SSBP4: variants seen among roughly 807,000 people sequenced by gnomAD.
SSBP4 encodes the protein single stranded DNA binding protein 4.
In SSBP4, 33 loss-of-function variants were observed where a neutral mutation model predicts 64.6. The ratio of observed to expected loss-of-function variants is 0.51; its 90% CI spans 0.39 to 0.68. The LOEUF is 0.68. Among genes scored for constraint, SSBP4 ranks in the 30% least tolerant of loss-of-function variants. The probability of loss-of-function intolerance (pLI) is 0.00; values close to 1 mark genes in which losing one functional copy is unlikely to be tolerated. For missense variants in SSBP4, 583 were observed against 566.8 expected, an observed-to-expected ratio of 1.03 and a Z score of -0.29; for synonymous variants, 243 against 224.0, an observed-to-expected ratio of 1.08 and a Z score of -0.76.
the SSBP4 span, among the ~76,000 whole-genome samples, chr19:18,406,245 C>T: frequency 0.03 from 4,544 of 151,510 alleles, 75 homozygotes; most frequent in Middle Eastern, 0.071. Context: ...CTTCCCTTCT[C>T]GGGTTCAAGG....
upstream of SSBP4, among the ~76,000 whole-genome samples, chr19:18,415,959 A>G (rs922478092): frequency 6.6e-6 from 1 of 151,404 alleles, no homozygotes. Flanking sequence ...CCCCGGGGCA[A>G]CCTCCCCGCC....
chr19:18,406,407 C>T, the SSBP4 span, among the ~76,000 whole-genome samples: 10 of 151,888 alleles, frequency 6.6e-5, no homozygotes, highest in Non-Finnish European at 1.5e-4. Flanking sequence ...TCTCAAACTC[C>T]TGGCCTCAAA....
the SSBP4 span, among the ~76,000 whole-genome samples, chr19:18,403,534 T>A: frequency 2.0e-5 from 3 of 150,928 alleles, no homozygotes; most frequent in Non-Finnish European, 3.0e-5. Flanking sequence ...GGTCTGGGAG[T>A]CTTGGGGTTT....
intron 1 of SSBP4, 53 bp downstream of exon 1, chr19:18,419,760 C>A: frequency 1.8e-6 from 2 of 1,101,614 alleles, no homozygotes; most frequent in Non-Finnish European, 2.2e-6. Context: ...CCGTGGGCTC[C>A]GGCGCGGGCG....
At position 18,432,250 on chromosome 19, in the gene SSBP4, G is replaced by A. The variant is rs190634942; in HGVS notation, c.704+36G>A. On this transcript the variant is annotated intron_variant, in intron 10 of 17. Transcript: ENST00000270061. Reference sequence around the variant, plus strand: ...GGGGGATCCTAGGAGTGTGCAGTTCGCAGGCCACCACCAGCTTCATGGCTG... The same window carrying A: ...GGGGGATCCTAGGAGTGTGCAGTTCACAGGCCACCACCAGCTTCATGGCTG... The A allele has an allele frequency of 2.6e-3, 4,230 of 1,603,214 alleles. 12 individuals are homozygous for A. Among genetic ancestry groups the A allele is most frequent in the Non-Finnish European group, 3.0e-3 (3,560 of 1,173,354 alleles).
the SSBP4 span, among the ~76,000 whole-genome samples, chr19:18,410,502 G>A: frequency 1.3e-5 from 2 of 152,218 alleles, no homozygotes; most frequent in African/African-American, 4.8e-5. Context: ...AAGAAAAAAA[G>A]ATGCGCAGGG....
At chr19:18,420,516 A>AGCAGTGACCGTCCC in intron 1 of SSBP4, among the ~76,000 whole-genome samples, 1 of 152,052 alleles carries the variant, frequency 6.6e-6, no homozygotes, top group South Asian at 2.1e-4. Context: ...AGGTGCTTGG[A>AGCAGTGACCGTCCC]GCAGTGACCG....
At chr19:18,416,691 T>A (rs1018108904), upstream of SSBP4, among the ~76,000 whole-genome samples, 1 of 152,238 alleles carries the variant, frequency 6.6e-6, no homozygotes, top group Non-Finnish European at 1.5e-5. Context: ...GCCTTCGCCG[T>A]GTGCCCACCT....
Position 18,430,931 on chromosome 19 carries a change from G to A in SSBP4, c.369+1G>A, listed in dbSNP as rs1973311825. ...CTCCATGGCGGCTGGCTTCTTCCAG[G>A]TATGGCCCCGGCTGGAGTCCACTGG... On this transcript the variant is annotated splice_donor_variant, in intron 5 of 17. Transcript: ENST00000270061. LOFTEE classifies it high-confidence loss of function. 1 of 1,611,718 alleles carries A rather than the reference G, an allele frequency of 6.2e-7. No individual in the cohort carries two copies. Among genetic ancestry groups the A allele is most frequent in the South Asian group, 1.1e-5 (1 of 91,038 alleles).
intron 13 of SSBP4, 21 bp downstream of exon 13, chr19:18,432,904 G>A (rs768853277): frequency 9.9e-6 from 16 of 1,613,892 alleles, no homozygotes; most frequent in Non-Finnish European, 1.2e-5. Context: ...GTAAGAGGTG[G>A]GGGTGTGCTA....
Position 18,423,036 on chromosome 19 carries a change from C to T in SSBP4, c.59+3329C>T, listed in dbSNP as rs1288170172. On this transcript the variant is annotated intron_variant, in intron 1 of 17. Transcript: ENST00000270061. The surrounding 1 kb of genome is among the most constrained non-coding windows in gnomAD (Gnocchi z 4.0). ...CGAGCACCTGGTGGGTGCCTGCCCT[C>T]GGGGGCTCGCAGCAGATGGCAGTGA... 1.3e-5 allele frequency among the ~76,000 whole-genome samples: 2 copies of T among 152,200 alleles called. No homozygotes were observed. Among genetic ancestry groups the T allele is most frequent in the African/African-American group, 4.8e-5 (2 of 41,440 alleles).
At chr19:18,405,532 C>A in the SSBP4 span, among the ~76,000 whole-genome samples, 1 of 151,650 alleles carries the variant, frequency 6.6e-6, no homozygotes, top group South Asian at 2.1e-4. Context: ...GAGACAAGGT[C>A]TCTGTCCGAC....
At chr19:18,422,246 C>A (rs1460555377) in intron 1 of SSBP4, among the ~76,000 whole-genome samples, 1 of 152,106 alleles carries the variant, frequency 6.6e-6, no homozygotes, top group Non-Finnish European at 1.5e-5. Flanking sequence ...TAGGTTTGAG[C>A]CGGGGGTGGT....
chr19:18,430,829 G>T lies in SSBP4; in HGVS notation c.280-12G>T. On this transcript the variant is annotated splice_polypyrimidine_tract_variant and intron_variant, in intron 4 of 17. Transcript: ENST00000270061. ...CCTGACCTGGCCCTCTGGGTTTCCC[G>T]CACCCTTACAGAGTGCTGCAGCCGC... 6.2e-7 allele frequency: 1 copy of T among 1,600,872 alleles called. No homozygotes were observed. The highest frequency in any genetic ancestry group is 8.5e-7 in the Non-Finnish European group (1 of 1,172,472).
chr19:18,419,246 C>T (rs1328049831), upstream of SSBP4: 1 of 990,224 alleles, frequency 1.0e-6, no homozygotes, highest in East Asian at 1.1e-4. Flanking sequence ...AGTGTGTAGC[C>T]GCGCCCCCAC....
the SSBP4 span, among the ~76,000 whole-genome samples, chr19:18,410,197 C>T: frequency 2.0e-5 from 3 of 152,070 alleles, no homozygotes; most frequent in East Asian, 1.9e-4. Flanking sequence ...GGGGTTTCAC[C>T]GTGTTAGCCA....
rs1164979114 is a variant in SSBP4, at chr19:18,419,622, GC to G, written c.-23del. 1.3e-5 allele frequency: 16 copies of G among 1,263,744 alleles called. No individual in the cohort carries two copies. In the South Asian group the frequency reaches 1.4e-4, roughly 11 times the overall value. 78.3% of individuals were successfully genotyped at this position (1,263,744 alleles called of 1,614,324 possible). A position where few individuals can be genotyped will look rare whatever the true frequency, so the allele number is the denominator to read the frequency against. On this transcript the variant is annotated 5_prime_UTR_variant, in exon 1 of 18. Transcript: ENST00000270061. Reference sequence around the variant, plus strand: ...CCGCGGCGCCGCCTGACAGGTGTGGGCCCCGGCGGCGGCGGCGTGGAGCAGC... The same window carrying G: ...CCGCGGCGCCGCCTGACAGGTGTGGGCCCGGCGGCGGCGGCGTGGAGCAGC...
the SSBP4 span, among the ~76,000 whole-genome samples, chr19:18,411,330 T>TA: frequency 6.7e-6 from 1 of 148,804 alleles, no homozygotes; most frequent in Non-Finnish European, 1.5e-5. Context: ...TTGTCTCTAC[T>TA]AAAAAAATAC....
At position 18,433,004 on chromosome 19, in the gene SSBP4, T is replaced by C. The variant is rs1568357261; in HGVS notation, c.873T>C (p.Thr291=). The change falls in exon 14 of 18, where the codon ACT becomes ACC. Residue 291 remains threonine, a synonymous_variant. Transcript: ENST00000270061. The stretch of plus-strand genomic sequence containing the variant: ...CCAACTCCAGCGAAAACATGTACAC[T>C]ATCATGAACCCCATCGGGCAGGGCG... The part of the protein sequence containing the change: ...DSTNSSENMY[T]IMNPIGQGAG... The C allele has an allele frequency of 2.5e-6, 4 of 1,614,108 alleles. No individual in the cohort carries two copies. The highest frequency in any genetic ancestry group is 3.4e-6 in the Non-Finnish European group (4 of 1,180,022).
Sources: allele counts gnomAD v4.1 joint callset (sites outside exome capture counted in the v4.1 genomes callset), GRCh38; gene constraint gnomAD v4.1.1; non-coding constraint Gnocchi (gnomAD v3.1); transcripts MANE v1.5; gene names NCBI Gene and HGNC (gene_info 2026-07-23, HGNC 2026-07-21).